The following DEPDC1B variants were observed in gnomAD, a reference collection of about 807,000 sequenced individuals.
DEPDC1B encodes DEP domain-containing protein 1B.
Under a neutral mutation model 66.5 loss-of-function variants are expected in DEPDC1B, and 51 were observed. The ratio of observed to expected loss-of-function variants is 0.77; its 90% CI spans 0.61 to 0.97. The LOEUF (loss-of-function observed/expected upper bound fraction) is 0.97. Among genes scored for constraint, DEPDC1B ranks in the 50% least tolerant of loss-of-function variants. The pLI, the probability that DEPDC1B is intolerant of heterozygous loss-of-function variation, is 0.00. For synonymous variants in DEPDC1B, 226 were observed against 223.6 expected (o/e 1.01, Z -0.10); for missense variants, 552 against 637.1 (o/e 0.87, Z 1.44).
intron 4 of DEPDC1B, 100 bp downstream of exon 4, chr5:60,645,392 T>G: frequency 8.4e-7 from 1 of 1,194,820 alleles, no homozygotes. Context: ...GTTGAGATTT[T>G]TATACATAAT....
In DEPDC1B at chr5:60,647,364, G is replaced by A. The variant is rs773587322; in HGVS notation, c.450+34C>T. ...GAGTTCATGGATGATTCTCCCTGCT[G>A]CCAGCCCTTCCATCTTTCAGTCATG... On this transcript the variant is annotated intron_variant, in intron 3 of 10. Coordinates refer to ENST00000265036, the MANE Select transcript of DEPDC1B (RefSeq NM_018369.3). The A allele has an allele frequency of 4.5e-6, 7 of 1,560,494 alleles. No homozygotes were observed. In the East Asian group the frequency reaches 1.2e-4, roughly 27 times the overall value.
Position 60,647,306 on chromosome 5 carries a change from GT to G in DEPDC1B, c.450+91del, listed in dbSNP as rs1753341438. On this transcript the variant is annotated intron_variant, in intron 3 of 10. Transcript: ENST00000265036. ...TGTTTTAAAGTACCTTTAAATTATT[GT>G]TCATAAAGGACCACAGAAAGACCAA... The G allele has an allele frequency of 4.8e-6, 7 of 1,448,764 alleles. No individual in the cohort carries two copies. In the South Asian group the frequency reaches 1.1e-4, roughly 23 times the overall value. 89.7% of individuals were successfully genotyped at this position (1,448,764 alleles called of 1,614,324 possible).
Position 60,597,646 on chromosome 5 carries a change from C to A in DEPDC1B, c.*107G>T. The A allele has an allele frequency of 7.9e-7, 1 of 1,266,988 alleles. No homozygotes were observed. Among genetic ancestry groups the A allele is most frequent in the South Asian group, 1.4e-5 (1 of 70,600 alleles). 78.5% of individuals were successfully genotyped at this position (1,266,988 alleles called of 1,614,324 possible). Reference sequence around the variant, plus strand: ...CAATCTTTATCTATATTTCAGTAGTCTTTGTTTTATGCTTTTCTTTCTTCC... The same window carrying A: ...CAATCTTTATCTATATTTCAGTAGTATTTGTTTTATGCTTTTCTTTCTTCC... On this transcript the variant is annotated 3_prime_UTR_variant, in exon 11 of 11. Transcript: ENST00000265036.
chr5:60,667,024 G>A lies in DEPDC1B; in HGVS notation c.315-19491C>T, dbSNP rs142871498. Among the ~76,000 whole-genome samples the A allele has an allele frequency of 2.8e-3, 419 of 152,282 alleles. 3 individuals are homozygous for A. Among genetic ancestry groups the A allele is most frequent in the African/African-American group, 7.2e-3 (300 of 41,550 alleles). ...AAAATGGTTACTTTAAGTCACTAAA[G>A]TTTGGGGTAGATTGTTTCTCAGCAA... is the stretch of plus-strand genomic sequence containing the variant. On this transcript the variant is annotated intron_variant, in intron 2 of 10. Transcript: ENST00000265036.
intron 2 of DEPDC1B, among the ~76,000 whole-genome samples, chr5:60,675,521 C>T (rs1754133845): frequency 6.6e-6 from 1 of 152,134 alleles, no homozygotes; most frequent in Admixed American, 6.5e-5. Flanking sequence ...GTTACAGTTA[C>T]ATTCCAAGCC....
chr5:60,618,465 T>A (rs1187320528), intron 7 of DEPDC1B, among the ~76,000 whole-genome samples: 3 of 152,008 alleles, frequency 2.0e-5, no homozygotes, highest in Non-Finnish European at 2.9e-5. Context: ...TATCACCACC[T>A]ATCCCACAGA....
intron 2 of DEPDC1B, among the ~76,000 whole-genome samples, chr5:60,668,150 AAATGGATATTATATATATAT>A (rs1753935254): frequency 5.5e-5 from 2 of 36,490 alleles, no homozygotes; most frequent in African/African-American, 1.6e-4. Context: ...TATATATATA[AAATGGATATTATATATATAT>A]AAAATGGATA....
At chr5:60,638,980 T>C (rs1753125317) in intron 6 of DEPDC1B, 90 bp from the exon 7 acceptor site, 1 of 1,439,368 alleles carries the variant, frequency 6.9e-7, no homozygotes, top group Admixed American at 2.6e-5. Flanking sequence ...CGTGTACAGA[T>C]ATTCAGATAT....
intron 7 of DEPDC1B, among the ~76,000 whole-genome samples, chr5:60,624,687 C>T (rs759698233): frequency 1.3e-5 from 2 of 152,126 alleles, no homozygotes; most frequent in Non-Finnish European, 2.9e-5. Context: ...ATTTACTGAG[C>T]TTTGCTTAAT....
intron 2 of DEPDC1B, among the ~76,000 whole-genome samples, chr5:60,682,256 A>G (rs1754311732): frequency 6.6e-6 from 1 of 152,214 alleles, no homozygotes; most frequent in Admixed American, 6.5e-5. Context: ...TCAGCAAACT[A>G]TCGCAAGGAC....
intron 7 of DEPDC1B, among the ~76,000 whole-genome samples, 169 bp from the exon 8 acceptor site, chr5:60,606,025 T>C (rs776644589): frequency 9.9e-5 from 15 of 152,180 alleles, no homozygotes; most frequent in South Asian, 2.1e-4. Context: ...CAAATCACTA[T>C]AGAAAATACA....
chr5:60,662,644 A>G (rs1420760182), intron 2 of DEPDC1B, among the ~76,000 whole-genome samples: 1 of 152,198 alleles, frequency 6.6e-6, no homozygotes, highest in East Asian at 1.9e-4. Context: ...GGACACCTTA[A>G]AAAAGACTGT....
At chr5:60,641,039 T>G (rs928023524) in intron 6 of DEPDC1B, among the ~76,000 whole-genome samples, 3 of 152,224 alleles carry the variant, frequency 2.0e-5, no homozygotes, top group Admixed American at 2.0e-4. Flanking sequence ...TTGATACATA[T>G]GAGACAAGTT....
At chr5:60,632,945 C>T (rs1752958962) in intron 7 of DEPDC1B, among the ~76,000 whole-genome samples, 1 of 152,190 alleles carries the variant, frequency 6.6e-6, no homozygotes, top group South Asian at 2.1e-4. Context: ...CAGAATAAGC[C>T]ACAGGCTGGG....
chr5:60,612,877 A>G (rs1333361877), intron 7 of DEPDC1B, among the ~76,000 whole-genome samples: 2 of 152,200 alleles, frequency 1.3e-5, no homozygotes, highest in Non-Finnish European at 2.9e-5. Flanking sequence ...GATGTCAATC[A>G]TATTGTTCTG....
chr5:60,692,015 G>A (rs1465362839), intron 1 of DEPDC1B, among the ~76,000 whole-genome samples: 1 of 152,144 alleles, frequency 6.6e-6, no homozygotes, highest in Non-Finnish European at 1.5e-5. Context: ...AAAAAAGAAA[G>A]AAATGTTGTC....
chr5:60,610,942 A>G (rs888555925), intron 7 of DEPDC1B, among the ~76,000 whole-genome samples: 3 of 152,228 alleles, frequency 2.0e-5, no homozygotes, highest in Admixed American at 6.5e-5. Flanking sequence ...GTTATAGATT[A>G]CCGAAGTCTT....
chr5:60,667,004 G>T (rs1387174867), intron 2 of DEPDC1B, among the ~76,000 whole-genome samples: 2 of 152,124 alleles, frequency 1.3e-5, no homozygotes, highest in Non-Finnish European at 2.9e-5. Context: ...AAAATAAAAT[G>T]GTTACTTTAA....
intron 2 of DEPDC1B, among the ~76,000 whole-genome samples, chr5:60,648,818 C>G (rs1270519008): frequency 2.0e-5 from 3 of 152,116 alleles, no homozygotes; most frequent in Non-Finnish European, 4.4e-5. Context: ...AAAATATAAA[C>G]TAAATGAATC....
Sources: allele counts gnomAD v4.1 joint callset (sites outside exome capture counted in the v4.1 genomes callset), GRCh38; gene constraint gnomAD v4.1.1; transcripts MANE v1.5; gene names NCBI Gene and HGNC (gene_info 2026-07-23, HGNC 2026-07-21).